CLK1: variants seen among roughly 807,000 people sequenced by gnomAD.
CLK1 encodes the protein dual specificity protein kinase CLK1.
A neutral mutation model predicts 60.9 loss-of-function variants in CLK1; 40 were observed. The ratio of observed to expected loss-of-function variants is 0.66; its 90% confidence interval spans 0.51 to 0.86. CLK1 has a LOEUF of 0.86. Among genes scored for constraint, CLK1 ranks in the 40% least tolerant of loss-of-function variants. The probability of loss-of-function intolerance (pLI) is 0.00; values close to 1 mark genes in which losing one functional copy is unlikely to be tolerated. For missense variants in CLK1, 563 were observed against 606.1 expected, an observed-to-expected ratio of 0.93 and a Z score of 0.75; for synonymous variants, 203 against 184.4, an observed-to-expected ratio of 1.10 and a Z score of -0.82.
chr2:200,853,951 T>C lies in CLK1; in HGVS notation c.1263A>G (p.Glu421=). 1 of 1,612,312 alleles carries C rather than the reference T, an allele frequency of 6.2e-7. No homozygotes were observed. Among genetic ancestry groups the C allele is most frequent in the Non-Finnish European group, 8.5e-7 (1 of 1,179,160 alleles). The change falls in exon 12 of 13, where the codon GAA becomes GAG. Residue 421 remains glutamate (E), a synonymous_variant. Coordinates refer to ENST00000321356, the MANE Select transcript of CLK1 (RefSeq NM_004071.4). ...YFHHDRLDWD[E]HSSAGRYVSR... ...AAACATATCTGCCGGCAGAACTGTG[T>C]TCATCCCAGTCTAATCGATCGTGGT...
At chr2:200,864,149 C>A (rs1287978361) in intron 1 of CLK1, 4 of 1,551,414 alleles carry the variant, frequency 2.6e-6, no homozygotes, top group Non-Finnish European at 3.5e-6. Context: ...CATTCTGGAA[C>A]CCCAGCAAAT....
chr2:200,863,837 G>C (rs971219044), intron 1 of CLK1, among the ~76,000 whole-genome samples: 5 of 152,152 alleles, frequency 3.3e-5, no homozygotes, highest in African/African-American at 4.8e-5. Context: ...CTGGGCGACA[G>C]AGCGAGACTC....
At chr2:200,864,458 C>G (rs1346494816) in intron 1 of CLK1, 106 bp downstream of exon 1, 4 of 507,902 alleles carry the variant, frequency 7.9e-6, no homozygotes, top group Non-Finnish European at 1.0e-5. Context: ...GTCGTCGCGC[C>G]GGGGACGGCG....
Position 200,854,025 on chromosome 2 carries a change from T to A in CLK1, c.1221-32A>T, listed in dbSNP as rs142940977. The stretch of plus-strand genomic sequence containing the variant: ...ATAAGTCAATATCCATTCATGTTTA[T>A]AACACTGAAAACTTAAAACAGCTAG... On this transcript the variant is annotated intron_variant, in intron 11 of 12. Coordinates refer to ENST00000321356, the MANE Select transcript of CLK1 (RefSeq NM_004071.4). 521 of 1,487,612 alleles carry A rather than the reference T, an allele frequency of 3.5e-4. 5 individuals carry two copies. The Middle Eastern group carries it at 3.8e-3, about 11-fold the overall frequency. The allele number at this position is 1,487,612 out of a possible 1,614,324, so 92.2% of individuals were successfully genotyped here. A position where few individuals can be genotyped will look rare whatever the true frequency, so the allele number is the denominator to read the frequency against.
chr2:200,855,630 CA>C (rs1023988151), intron 9 of CLK1, among the ~76,000 whole-genome samples: 74 of 117,880 alleles, frequency 6.3e-4, no homozygotes, highest in Middle Eastern at 9.5e-3. Context: ...GCCCCCCCCC[CA>C]AAAAATTATA....
At position 200,859,919 on chromosome 2, in the gene CLK1, T is replaced by C. The variant is rs567206944; in HGVS notation, c.482-173A>G. On this transcript the variant is annotated intron_variant, in intron 4 of 12. Coordinates refer to ENST00000321356, the MANE Select transcript of CLK1 (RefSeq NM_004071.4). The stretch of plus-strand genomic sequence containing the variant: ...TAATTATTAGGTCTAATTTCATTAA[T>C]TTGATTACTGTTCTGGAAGTTCTAT... 11 of 1,431,146 alleles carry C rather than the reference T, an allele frequency of 7.7e-6. No homozygotes were observed. In the African/African-American group the frequency reaches 8.6e-5, roughly 11 times the overall value. The allele number at this position is 1,431,146 out of a possible 1,614,324, so 88.7% of individuals were successfully genotyped here. A position where few individuals can be genotyped will look rare whatever the true frequency, so the allele number is the denominator to read the frequency against.
In CLK1 at chr2:200,854,230, AT is replaced by A; in HGVS notation, c.1221-238del. ...GCGCCTGAGACTTGGTAGAGTGAAA[AT>A]TTAAAAAAAAAAATTAAGTTCTGGC... On this transcript the variant is annotated intron_variant, in intron 11 of 12. Coordinates refer to ENST00000321356, the MANE Select transcript of CLK1 (RefSeq NM_004071.4). 3.4e-5 allele frequency: 13 copies of A among 384,360 alleles called. No homozygotes were observed. The East Asian group carries it at 5.0e-4, about 15-fold the overall frequency. 23.8% of individuals were successfully genotyped at this position (384,360 alleles called of 1,614,324 possible). A position where few individuals can be genotyped will look rare whatever the true frequency, so the allele number is the denominator to read the frequency against.
chr2:200,857,247 A>G (rs1245241033), intron 7 of CLK1: 4 of 448,364 alleles, frequency 8.9e-6, no homozygotes, highest in Non-Finnish European at 1.6e-5. Context: ...CAGAGTTTGC[A>G]GTGAGTGAAG....
intron 1 of CLK1, chr2:200,864,051 A>C (rs1299813291): frequency 2.7e-6 from 4 of 1,503,504 alleles, no homozygotes; most frequent in Admixed American, 2.3e-5. Context: ...CACTTTCATC[A>C]TTAGACATTA....
chr2:200,855,117 A>C, intron 9 of CLK1, 31 bp from the exon 10 acceptor site: 1 of 1,496,140 alleles, frequency 6.7e-7, no homozygotes. Context: ...TAAGGAAAAA[A>C]AATACTCAAT....
At chr2:200,862,286 A>G (rs1324768477) in intron 1 of CLK1, among the ~76,000 whole-genome samples, 1 of 152,206 alleles carries the variant, frequency 6.6e-6, no homozygotes, top group East Asian at 1.9e-4. Context: ...GATGGCCTGA[A>G]GCAACTGAAG....
intron 1 of CLK1, chr2:200,864,176 GCCTCGCCTTTCC>G: frequency 6.4e-7 from 1 of 1,551,058 alleles, no homozygotes; most frequent in Non-Finnish European, 8.7e-7. Context: ...TCAACGGGGA[GCCTCGCCTTTCC>G]GGCCACAGGG....
At chr2:200,858,595 G>A (rs2039082373) in intron 5 of CLK1, among the ~76,000 whole-genome samples, 1 of 152,136 alleles carries the variant, frequency 6.6e-6, no homozygotes, top group Admixed American at 6.5e-5. Context: ...TTCCTGGGAG[G>A]CTGAGGCAGG....
chr2:200,861,507 C>G, intron 2 of CLK1, 41 bp from the exon 3 acceptor site: 1 of 1,602,054 alleles, frequency 6.2e-7, no homozygotes, highest in Non-Finnish European at 8.5e-7. Flanking sequence ...TATGCTAAGA[C>G]CAAATATCCT....
chr2:200,860,061 A>G, intron 4 of CLK1, 64 bp downstream of exon 4: 4 of 1,553,514 alleles, frequency 2.6e-6, no homozygotes, highest in Non-Finnish European at 2.6e-6. Flanking sequence ...AATCCCTGAA[A>G]GCTTAATCTA....
chr2:200,857,067 G>T, intron 7 of CLK1, 82 bp from the exon 8 acceptor site: 1 of 1,066,438 alleles, frequency 9.4e-7, no homozygotes, highest in Non-Finnish European at 1.4e-6. Context: ...GCCGGGTGCA[G>T]TGGCTCACGC....
Position 200,864,009 on chromosome 2 carries a change from G to A in CLK1, c.-1+555C>T. 5 of 1,384,056 alleles carry A rather than the reference G, an allele frequency of 3.6e-6. No individual in the cohort carries two copies. In the Middle Eastern group the frequency reaches 5.5e-4, roughly 152 times the overall value. 85.7% of individuals were successfully genotyped at this position (1,384,056 alleles called of 1,614,324 possible). On this transcript the variant is annotated intron_variant, in intron 1 of 12. Transcript: ENST00000321356. ...AAATCTGGTTTTTGTTAACACCACT[G>A]AGGACAAAGCCACTCGCGATGTTTA...
chr2:200,860,031 G>T, intron 4 of CLK1, 94 bp downstream of exon 4: 1 of 1,500,130 alleles, frequency 6.7e-7, no homozygotes. Flanking sequence ...ACAAAAAAGA[G>T]AAAGAAAAAA....
intron 9 of CLK1, among the ~76,000 whole-genome samples, chr2:200,855,345 C>T (rs1575075832): frequency 6.6e-6 from 1 of 151,986 alleles, no homozygotes; most frequent in East Asian, 1.9e-4. Flanking sequence ...TGGCCGGGCA[C>T]AGTGGCTCAC....
Sources: gnomAD v4.1 joint callset for allele counts (sites outside exome capture counted in the v4.1 genomes callset) on GRCh38, gnomAD v4.1.1 for gene constraint, MANE v1.5 for transcripts, NCBI Gene and HGNC (gene_info 2026-07-23, HGNC 2026-07-21) for gene names.